The following HELZ variants were observed in gnomAD, a reference collection of about 807,000 sequenced individuals.
HELZ encodes ATP-dependent RNA helicase with zinc finger domain.
Under a neutral mutation model 218.2 loss-of-function variants are expected in HELZ, and 23 were observed. The ratio of observed to expected loss-of-function variants is 0.11; its 90% CI spans 0.08 to 0.15. The LOEUF is 0.15. Among genes scored for constraint, HELZ ranks in the 10% least tolerant of loss-of-function variants. HELZ has a pLI of 1.00. For missense variants in HELZ, 1,813 were observed against 2,353.7 expected, an observed-to-expected ratio of 0.77 and a Z score of 4.75; for synonymous variants, 814 against 829.4, an observed-to-expected ratio of 0.98 and a Z score of 0.32.
At position 67,071,242 on chromosome 17, in the gene HELZ, C is replaced by T. The variant is rs577514870; in HGVS notation, c.*7010G>A. The stretch of plus-strand genomic sequence containing the variant: ...TTTATGAAAATCCAGGACCCTTCCT[C>T]TGTAAAGGGGGAGGCTGAGAAACAT... On this transcript the variant is annotated 3_prime_UTR_variant, in exon 33 of 33. Coordinates refer to ENST00000358691, the MANE Select transcript of HELZ (RefSeq NM_014877.4). 6.5e-6 allele frequency: 1 copy of T among 152,700 alleles called. No individual in the cohort carries two copies. Among genetic ancestry groups the T allele is most frequent in the East Asian group, 1.9e-4 (1 of 5,178 alleles). 9.5% of individuals were successfully genotyped at this position (152,700 alleles called of 1,614,324 possible). A position where few individuals can be genotyped will look rare whatever the true frequency, so the allele number is the denominator to read the frequency against.
At chr17:67,160,187 A>C (rs1179750765) in intron 17 of HELZ, 74 bp downstream of exon 17, 1 of 900,920 alleles carries the variant, frequency 1.1e-6, no homozygotes, top group Non-Finnish European at 1.8e-6. Context: ...AAAGTTACTA[A>C]AATCTTTACA....
intron 24 of HELZ, among the ~76,000 whole-genome samples, chr17:67,125,224 T>TA (rs1006236293): frequency 2.1e-4 from 28 of 135,744 alleles, no homozygotes; most frequent in South Asian, 9.2e-4. Context: ...AAAGACCCCC[T>TA]AAAAAATCAT....
chr17:67,226,510 G>A (rs1036612182), intron 3 of HELZ, among the ~76,000 whole-genome samples: 1 of 152,264 alleles, frequency 6.6e-6, no homozygotes, highest in South Asian at 2.1e-4. Flanking sequence ...ACCAAGGGAT[G>A]TACAGTAACT....
intron 31 of HELZ, among the ~76,000 whole-genome samples, chr17:67,098,674 G>A (rs1053836274): frequency 9.2e-5 from 14 of 152,134 alleles, no homozygotes; most frequent in African/African-American, 3.1e-4. Context: ...AACCTGGCAG[G>A]CGGAGGTTGC....
chr17:67,097,553 A>G (rs975216703), intron 31 of HELZ, among the ~76,000 whole-genome samples: 2 of 152,190 alleles, frequency 1.3e-5, no homozygotes, highest in African/African-American at 4.8e-5. Flanking sequence ...CTACCAAGCA[A>G]TATTATTTTC....
At chr17:67,110,832 CAGA>C (rs969108567) in intron 28 of HELZ, among the ~76,000 whole-genome samples, 3 of 152,172 alleles carry the variant, frequency 2.0e-5, no homozygotes, top group Admixed American at 6.5e-5. Context: ...TGGCTTTTTA[CAGA>C]AGAAGGTTGC....
intron 5 of HELZ, among the ~76,000 whole-genome samples, chr17:67,210,813 T>G (rs993588170): frequency 1.3e-5 from 2 of 152,068 alleles, no homozygotes; most frequent in African/African-American, 2.4e-5. Flanking sequence ...TCCCAGCTAC[T>G]TGGGAGGCTG....
chr17:67,128,413 C>T, intron 24 of HELZ: 1 of 522,822 alleles, frequency 1.9e-6, no homozygotes, highest in Non-Finnish European at 3.4e-6. Context: ...TAAATGATAC[C>T]AGAAGTTATC....
At chr17:67,109,959 G>T (rs1366440376) in intron 28 of HELZ, among the ~76,000 whole-genome samples, 2 of 151,964 alleles carry the variant, frequency 1.3e-5, no homozygotes, top group Non-Finnish European at 2.9e-5. Flanking sequence ...TCCTTTCAGG[G>T]CATTATTTTT....
rs777293212 is a variant in HELZ at position 67,188,567 on chromosome 17, G to C, written c.914C>G (p.Pro305Arg). The C allele has an allele frequency of 1.2e-6, 2 of 1,613,690 alleles. No individual in the cohort carries two copies. The highest frequency in any genetic ancestry group is 1.7e-6 in the Non-Finnish European group (2 of 1,179,688). The change falls in exon 12 of 33, where the codon CCT (proline) becomes CGT (arginine). Residue 305 changes from proline (P) to arginine (R), a missense_variant. Pro to Arg is a moderately radical substitution (Grantham distance 103). Coordinates refer to ENST00000358691, the MANE Select transcript of HELZ (RefSeq NM_014877.4). This position sits in a 1 kb window ranked among gnomAD's most constrained non-coding sequence, Gnocchi z 4.1. ...AGATATTGCAATGATACTAAAATGA[G>C]GACGATGAGCATCATAAAGCAATGC... ...RVALLYDAHR[P>R]HFSIIAISAG...
In HELZ at chr17:67,072,418, A is replaced by G; in HGVS notation, c.*5834T>C. On this transcript the variant is annotated 3_prime_UTR_variant, in exon 33 of 33. Coordinates refer to ENST00000358691, the MANE Select transcript of HELZ (RefSeq NM_014877.4). ...TGCTCCATGTCACTGCCATCTTAGG[A>G]CAGGGACTCCTGCACTTAGTGCCTC... 1 of 152,636 alleles carries G rather than the reference A, an allele frequency of 6.6e-6. No homozygotes were observed. The highest frequency in any genetic ancestry group is 1.9e-4 in the East Asian group (1 of 5,200). The allele number at this position is 152,636 out of a possible 1,614,324, so 9.5% of individuals were successfully genotyped here. A position where few individuals can be genotyped will look rare whatever the true frequency, so the allele number is the denominator to read the frequency against.
At chr17:67,232,398 C>T (rs541435839) in intron 3 of HELZ, among the ~76,000 whole-genome samples, 29 of 152,314 alleles carry the variant, frequency 1.9e-4, no homozygotes, top group Admixed American at 4.6e-4. Flanking sequence ...ATGATCCGCC[C>T]GCCTCAGCCT....
At chr17:67,118,692 CAAAAAAAAAAAAAA>C (rs142101119) in intron 27 of HELZ, among the ~76,000 whole-genome samples, 12 of 44,924 alleles carry the variant, frequency 2.7e-4, no homozygotes, top group Non-Finnish European at 4.1e-4. Context: ...CTTTAAAAGG[CAAAAAAAAAAAAAA>C]AAAAAAAAAG....
chr17:67,159,029 C>G (rs1231723839), intron 17 of HELZ, among the ~76,000 whole-genome samples: 1 of 152,152 alleles, frequency 6.6e-6, no homozygotes, highest in Non-Finnish European at 1.5e-5. Context: ...CACATGCTCA[C>G]TCTACCAACA....
At chr17:67,083,353 A>G (rs1418007595) in intron 32 of HELZ, among the ~76,000 whole-genome samples, 1 of 152,150 alleles carries the variant, frequency 6.6e-6, no homozygotes, top group Non-Finnish European at 1.5e-5. Context: ...TTCAAAATAC[A>G]TATCTCAGCC....
At chr17:67,223,513 G>A (rs1035369660) in intron 3 of HELZ, among the ~76,000 whole-genome samples, 2 of 152,172 alleles carry the variant, frequency 1.3e-5, no homozygotes, top group African/African-American at 4.8e-5. Flanking sequence ...CACTTTGGGA[G>A]GCTGAGGCGG....
intron 7 of HELZ, among the ~76,000 whole-genome samples, chr17:67,196,896 G>T (rs1487153472): frequency 6.6e-6 from 1 of 151,984 alleles, no homozygotes; most frequent in Non-Finnish European, 1.5e-5. Flanking sequence ...GTCCAAACAG[G>T]TCTAGAATGT....
chr17:67,169,631 A>C (rs1352317606), intron 13 of HELZ, among the ~76,000 whole-genome samples: 3 of 152,204 alleles, frequency 2.0e-5, no homozygotes, highest in Non-Finnish European at 4.4e-5. Context: ...AAACTACAGC[A>C]TTCTGCCCAT....
rs1042276582 is a variant in HELZ, at chr17:67,126,685, T to TAA, written c.3387+1964_3387+1965dup. On this transcript the variant is annotated intron_variant, in intron 24 of 32. Coordinates refer to ENST00000358691, the MANE Select transcript of HELZ (RefSeq NM_014877.4). ...CCAACGTGATGAAACCCTGTCCTGC[T>TAA]AAAACACACACACACACACACACAA... 3.9e-5 allele frequency among the ~76,000 whole-genome samples: 5 copies of TAA among 128,246 alleles called. No individual in the cohort carries two copies. In the East Asian group the frequency reaches 1.3e-3, roughly 33 times the overall value. 84.1% of individuals were successfully genotyped at this position (128,246 alleles called of 152,430 possible). A position where few individuals can be genotyped will look rare whatever the true frequency, so the allele number is the denominator to read the frequency against.
Sources: gnomAD v4.1 joint callset for allele counts (sites outside exome capture counted in the v4.1 genomes callset) on GRCh38, gnomAD v4.1.1 for gene constraint, Gnocchi (gnomAD v3.1) non-coding constraint, MANE v1.5 for transcripts, NCBI Gene and HGNC (gene_info 2026-07-23, HGNC 2026-07-21) for gene names.